SHISA9: variants seen among roughly 807,000 people sequenced by gnomAD.
SHISA9 encodes the protein protein shisa-9.
SHISA9 carries 13 observed loss-of-function variants against 38.0 expected under a neutral mutation model. That is an observed-to-expected ratio of 0.34 (90% CI 0.22 to 0.54). SHISA9 has a LOEUF of 0.54. Ranked by LOEUF, SHISA9 falls within the 20% of genes least tolerant of loss-of-function variation. The probability of loss-of-function intolerance (pLI) is 0.91; values close to 1 mark genes in which losing one functional copy is unlikely to be tolerated. For missense variants in SHISA9, 538 were observed against 575.8 expected (o/e 0.93, Z 0.67); for synonymous variants, 275 against 242.0 (o/e 1.14, Z -1.27).
chr16:12,957,928 C>T (rs1596549777), intron 2 of SHISA9, among the ~76,000 whole-genome samples: 1 of 152,162 alleles, frequency 6.6e-6, no homozygotes, highest in Non-Finnish European at 1.5e-5. Flanking sequence ...AGCAAGGGGG[C>T]TCGACTTTCA....
the SHISA9 span, among the ~76,000 whole-genome samples, chr16:13,257,502 C>A: frequency 3.9e-5 from 6 of 152,172 alleles, no homozygotes; most frequent in African/African-American, 1.4e-4. Context: ...ATCATCACCA[C>A]CATCATCAGC....
At chr16:13,343,516 G>A in the SHISA9 span, among the ~76,000 whole-genome samples, 2 of 152,040 alleles carry the variant, frequency 1.3e-5, no homozygotes, top group Non-Finnish European at 2.9e-5. Flanking sequence ...AGTCAAAAAT[G>A]TAAAGCATAT....
At chr16:13,523,053 A>T in the SHISA9 span, among the ~76,000 whole-genome samples, 1 of 152,162 alleles carries the variant, frequency 6.6e-6, no homozygotes, top group African/African-American at 2.4e-5. Flanking sequence ...CATTTAAAAA[A>T]ATGGAAGACC....
intron 2 of SHISA9, among the ~76,000 whole-genome samples, chr16:13,184,488 A>C (rs1311242553): frequency 6.6e-6 from 1 of 152,200 alleles, no homozygotes; most frequent in Non-Finnish European, 1.5e-5. Context: ...TATGATTTAC[A>C]TACAGTAAAA....
At chr16:13,459,686 C>T in the SHISA9 span, among the ~76,000 whole-genome samples, 1 of 152,128 alleles carries the variant, frequency 6.6e-6, no homozygotes, top group Non-Finnish European at 1.5e-5. Flanking sequence ...TCCAGCCTGG[C>T]TCTTGCTAAC....
intron 2 of SHISA9, among the ~76,000 whole-genome samples, chr16:12,950,176 T>C (rs35816039): frequency 0.2 from 30,956 of 152,216 alleles, 3,856 homozygotes; most frequent in Middle Eastern, 0.36. Context: ...GGATTCCATC[T>C]ATGTTGCTGC....
the SHISA9 span, among the ~76,000 whole-genome samples, chr16:13,442,188 TTTGC>T: frequency 6.6e-6 from 1 of 152,240 alleles, no homozygotes; most frequent in African/African-American, 2.4e-5. Flanking sequence ...TTGATGTTTC[TTTGC>T]TTGTTTTGGT....
chr16:13,252,004 C>T, the SHISA9 span, among the ~76,000 whole-genome samples: 1 of 152,206 alleles, frequency 6.6e-6, no homozygotes, highest in Non-Finnish European at 1.5e-5. Context: ...GTAAAGAATT[C>T]TGCAACAATG....
At chr16:13,090,026 A>G (rs2073757056) in intron 2 of SHISA9, among the ~76,000 whole-genome samples, 1 of 152,192 alleles carries the variant, frequency 6.6e-6, no homozygotes, top group Non-Finnish European at 1.5e-5. Flanking sequence ...GGTTTCAAAG[A>G]ACATCTTTAT....
At chr16:13,367,701 C>T in the SHISA9 span, among the ~76,000 whole-genome samples, 66 of 66,082 alleles carry the variant, frequency 1.0e-3, 1 homozygote, top group East Asian at 5.9e-3. Flanking sequence ...TGTGCGTGCG[C>T]GCGCGCGCGC....
At chr16:13,263,503 C>T in the SHISA9 span, among the ~76,000 whole-genome samples, 1 of 152,150 alleles carries the variant, frequency 6.6e-6, no homozygotes, top group Non-Finnish European at 1.5e-5. Context: ...GTAAGACATC[C>T]CTGCTACCTC....
At chr16:13,247,913 T>C in the SHISA9 span, among the ~76,000 whole-genome samples, 2 of 152,226 alleles carry the variant, frequency 1.3e-5, no homozygotes, top group Non-Finnish European at 2.9e-5. Flanking sequence ...AGGTAAAAAA[T>C]GGGAAGACTC....
At chr16:13,118,300 A>ACAGG (rs1311418968) in intron 2 of SHISA9, among the ~76,000 whole-genome samples, 3 of 151,938 alleles carry the variant, frequency 2.0e-5, no homozygotes, top group Non-Finnish European at 2.9e-5. Context: ...AGGCAACCTG[A>ACAGG]CAGGGAGGTA....
the SHISA9 span, among the ~76,000 whole-genome samples, chr16:13,421,564 C>T: frequency 1.2e-4 from 18 of 152,222 alleles, no homozygotes; most frequent in African/African-American, 2.4e-4. Flanking sequence ...GTGGGAATTA[C>T]GGGAGCTACA....
the SHISA9 span, among the ~76,000 whole-genome samples, chr16:13,411,108 A>G: frequency 6.6e-6 from 1 of 152,222 alleles, no homozygotes; most frequent in Admixed American, 6.5e-5. Flanking sequence ...TTCATCCCAT[A>G]TCCGTCCCTG....
At chr16:13,186,022 T>G (rs55685188) in intron 2 of SHISA9, among the ~76,000 whole-genome samples, 2,954 of 152,274 alleles carry the variant, frequency 0.019, 43 homozygotes, top group Non-Finnish European at 0.03. Context: ...TACCTTGAAC[T>G]CCATGGTAGC....
At chr16:13,122,408 G>A (rs1405740054) in intron 2 of SHISA9, among the ~76,000 whole-genome samples, 1 of 152,206 alleles carries the variant, frequency 6.6e-6, no homozygotes, top group African/African-American at 2.4e-5. Context: ...AAATGCTGGA[G>A]AGAATGCAAT....
intron 2 of SHISA9, among the ~76,000 whole-genome samples, chr16:13,140,746 G>C (rs1476766876): frequency 6.6e-6 from 1 of 152,224 alleles, no homozygotes; most frequent in Non-Finnish European, 1.5e-5. Context: ...GCAGTGATGG[G>C]AGAGTGTGAA....
the SHISA9 span, among the ~76,000 whole-genome samples, chr16:13,543,514 C>T: frequency 6.6e-6 from 1 of 152,154 alleles, no homozygotes; most frequent in East Asian, 1.9e-4. Flanking sequence ...CTCAGACGGC[C>T]AGCATAAAAC....
Sources: allele counts gnomAD v4.1 joint callset (sites outside exome capture counted in the v4.1 genomes callset), GRCh38; gene constraint gnomAD v4.1.1; transcripts MANE v1.5; gene names NCBI Gene and HGNC (gene_info 2026-07-23, HGNC 2026-07-21).